Variants in ATP6V0A4 observed in about 807,000 individuals in gnomAD.
ATP6V0A4 encodes the protein ATPase H+ transporting V0 subunit a4.
In ATP6V0A4, 86 loss-of-function variants were observed where a neutral mutation model predicts 107.3. The ratio of observed to expected loss-of-function variants is 0.80; its 90% CI spans 0.67 to 0.96. ATP6V0A4 has a LOEUF of 0.96. Ranked by LOEUF, ATP6V0A4 falls within the 40% of genes least tolerant of loss-of-function variation. The pLI, the probability that ATP6V0A4 is intolerant of heterozygous loss-of-function variation, is 0.00. For synonymous variants in ATP6V0A4, 353 were observed against 381.4 expected, an observed-to-expected ratio of 0.93 and a Z score of 0.87; for missense variants, 908 against 1,045.6, an observed-to-expected ratio of 0.87 and a Z score of 1.81.
chr7:138,794,415 G>A (rs1298515279), intron 1 of ATP6V0A4, among the ~76,000 whole-genome samples: 1 of 152,128 alleles, frequency 6.6e-6, no homozygotes, highest in Non-Finnish European at 1.5e-5. Context: ...TCTTCCCTGG[G>A]CCGTTCCAGG....
chr7:138,728,048 A>G (rs1433551993), intron 18 of ATP6V0A4, among the ~76,000 whole-genome samples: 4 of 152,166 alleles, frequency 2.6e-5, no homozygotes, highest in Non-Finnish European at 5.9e-5. Flanking sequence ...GTAAAGTCTC[A>G]CAACTTTAGA....
intron 20 of ATP6V0A4, among the ~76,000 whole-genome samples, chr7:138,713,280 G>GA (rs10673617): frequency 0.013 from 1,518 of 120,712 alleles, 22 homozygotes; most frequent in African/African-American, 0.015. Context: ...ACTCCAGCCT[G>GA]AAAAAAAAAA....
At chr7:138,710,515 G>C (rs991905311) in intron 20 of ATP6V0A4, among the ~76,000 whole-genome samples, 1 of 152,088 alleles carries the variant, frequency 6.6e-6, no homozygotes, top group African/African-American at 2.4e-5. Flanking sequence ...CCAGGAAGTG[G>C]TTACATGAGT....
intron 20 of ATP6V0A4, among the ~76,000 whole-genome samples, chr7:138,711,499 G>A (rs916294508): frequency 1.4e-5 from 2 of 143,628 alleles, no homozygotes; most frequent in African/African-American, 5.0e-5. Context: ...AGGTCACAAT[G>A]ATGTAGCCCA....
At chr7:138,760,444 CAAAAAA>C (rs570463822) in intron 7 of ATP6V0A4, among the ~76,000 whole-genome samples, 2 of 60,826 alleles carry the variant, frequency 3.3e-5, no homozygotes, top group African/African-American at 1.2e-4. Context: ...AACTCTGTCT[CAAAAAA>C]AAAAAAAAAA....
chr7:138,769,890 C>T (rs950738391), intron 3 of ATP6V0A4, among the ~76,000 whole-genome samples: 1 of 151,988 alleles, frequency 6.6e-6, no homozygotes, highest in Admixed American at 6.6e-5. Context: ...CCAACCTGGG[C>T]AACATAATGA....
In ATP6V0A4 at chr7:138,755,688, C is replaced by T. The variant is rs1450564765; in HGVS notation, c.816+1G>A. The T allele has an allele frequency of 9.9e-6, 16 of 1,613,602 alleles. No individual in the cohort carries two copies. The highest frequency in any genetic ancestry group is 2.7e-5 in the African/African-American group (2 of 74,930). On this transcript the variant is annotated splice_donor_variant, in intron 10 of 21. Coordinates refer to ENST00000310018, the MANE Select transcript of ATP6V0A4 (RefSeq NM_020632.3). LOFTEE classifies it high-confidence loss of function. ...ACCATGCGCCCAAACCCCTCACTCA[C>T]GGTGATTAAATCTTCCAGCCTCACA... is the stretch of plus-strand genomic sequence containing the variant.
At position 138,734,145 on chromosome 7, in the gene ATP6V0A4, A is replaced by C. The variant is rs759024783; in HGVS notation, c.1682T>G (p.Phe561Cys). Residue 561 changes from phenylalanine (F) to cysteine (C), a missense_variant, in exon 16 of 22, where the codon TTC (phenylalanine) becomes TGC (cysteine). Physicochemically the swap from Phe to Cys is radical, Grantham distance 205. Coordinates refer to ENST00000310018, the MANE Select transcript of ATP6V0A4 (RefSeq NM_020632.3). ...QMVFGVILSL[F>C]NHIYFRRTLN... ...GCATCAAGAAACTTACATGTGATTG[A>C]AAAGGCTGAGGATGACACCGAAAAC... 6.2e-7 allele frequency: 1 copy of C among 1,611,328 alleles called. No homozygotes were observed. The highest frequency in any genetic ancestry group is 1.7e-5 in the Admixed American group (1 of 59,980).
chr7:138,770,939 C>T (rs1247646162), intron 3 of ATP6V0A4, among the ~76,000 whole-genome samples, 192 bp downstream of exon 3: 1 of 137,948 alleles, frequency 7.2e-6, no homozygotes, highest in African/African-American at 2.7e-5. Context: ...GGAGGGAGAA[C>T]ACGCTCTTGA....
intron 2 of ATP6V0A4, among the ~76,000 whole-genome samples, chr7:138,785,265 C>T (rs1024258157): frequency 1.4e-5 from 2 of 147,912 alleles, no homozygotes; most frequent in African/African-American, 2.5e-5. Flanking sequence ...GAATACTTCT[C>T]ACTTTCTTTT....
Position 138,721,918 on chromosome 7 carries a change from A to G in ATP6V0A4, c.2118T>C (p.Ala706=), listed in dbSNP as rs758610738. ...ATACCTCTTCTCCATGGTCGTCCAG[A>G]GCCCCGTGGGTATCTGCAGAAGTCC... is the stretch of plus-strand genomic sequence containing the variant. ...GQRTSADTHG[A]LDDHGEEFNF... The change falls in exon 19 of 22, where the codon GCT becomes GCC. Residue 706 remains alanine (A), a synonymous_variant. Coordinates refer to ENST00000310018, the MANE Select transcript of ATP6V0A4 (RefSeq NM_020632.3). 2.4e-5 allele frequency: 39 copies of G among 1,613,914 alleles called. No individual in the cohort carries two copies. In the Admixed American group the frequency reaches 2.8e-4, roughly 12 times the overall value.
chr7:138,735,167 G>C (rs1363304773), intron 15 of ATP6V0A4, among the ~76,000 whole-genome samples: 1 of 152,056 alleles, frequency 6.6e-6, no homozygotes, highest in Non-Finnish European at 1.5e-5. Flanking sequence ...GGGTGGAGGG[G>C]TTAGTTAGGG....
At chr7:138,782,328 C>T (rs59467242) in intron 2 of ATP6V0A4, among the ~76,000 whole-genome samples, 13,360 of 152,162 alleles carry the variant, frequency 0.088, 713 homozygotes, top group African/African-American at 0.15. Flanking sequence ...GTCCAAATCC[C>T]TTTTTATAAG....
intron 18 of ATP6V0A4, among the ~76,000 whole-genome samples, chr7:138,723,549 G>A (rs1472504421): frequency 4.2e-4 from 51 of 122,598 alleles, no homozygotes; most frequent in African/African-American, 1.5e-3. Flanking sequence ...TTTTTGAGAA[G>A]GAATTTTGCT....
chr7:138,738,117 A>T (rs1805439978), intron 15 of ATP6V0A4, among the ~76,000 whole-genome samples: 1 of 152,170 alleles, frequency 6.6e-6, no homozygotes, highest in Admixed American at 6.6e-5. Context: ...TTTAAATCAT[A>T]TATATGTATT....
At chr7:138,716,849 C>A (rs1804066759) in intron 19 of ATP6V0A4, among the ~76,000 whole-genome samples, 1 of 152,198 alleles carries the variant, frequency 6.6e-6, no homozygotes, top group Admixed American at 6.6e-5. Context: ...CAGGTGTGAG[C>A]CACTGTGCCT....
intron 15 of ATP6V0A4, among the ~76,000 whole-genome samples, chr7:138,734,615 C>T (rs1022867379): frequency 6.6e-5 from 10 of 151,636 alleles, no homozygotes; most frequent in Admixed American, 4.0e-4. Context: ...TGTCTCTACA[C>T]CAAAATACAA....
rs1374353167 is a variant in ATP6V0A4, at chr7:138,721,980, C to T, written c.2056G>A (p.Gly686Ser). The change falls in exon 19 of 22, where the codon GGT becomes AGT. Residue 686 changes from glycine to serine, a missense_variant. Coordinates refer to ENST00000310018, the MANE Select transcript of ATP6V0A4 (RefSeq NM_020632.3). ...CGGCTAGAAGGGCTGGAGCTATCAC[C>T]TTCAATGTTCTCAGTGGCATCTTCT... is the stretch of plus-strand genomic sequence containing the variant. The part of the protein sequence containing the change: ...IQEDATENIE[G>S]DSSSPSSRSG... 6.2e-7 allele frequency: 1 copy of T among 1,614,160 alleles called. No homozygotes were observed. The highest frequency in any genetic ancestry group is 8.5e-7 in the Non-Finnish European group (1 of 1,180,032).
At chr7:138,791,880 A>G (rs1408903656) in intron 1 of ATP6V0A4, among the ~76,000 whole-genome samples, 1 of 152,232 alleles carries the variant, frequency 6.6e-6, no homozygotes, top group African/African-American at 2.4e-5. Flanking sequence ...AATTAAGAAC[A>G]ATAAACCGGT....
Sources: gnomAD v4.1 joint callset for allele counts (sites outside exome capture counted in the v4.1 genomes callset) on GRCh38, gnomAD v4.1.1 for gene constraint, MANE v1.5 for transcripts, NCBI Gene and HGNC (gene_info 2026-07-23, HGNC 2026-07-21) for gene names.